The following ARHGAP20 variants were observed in gnomAD, a reference collection of about 807,000 sequenced individuals.
The protein encoded by ARHGAP20 is Rho GTPase activating protein 20.
In ARHGAP20, 34 loss-of-function variants were observed where a neutral mutation model predicts 73.7. The observed-to-expected ratio is 0.46, with a 90% CI of 0.35 to 0.61. The LOEUF (loss-of-function observed/expected upper bound fraction) is 0.61, where lower values mean the gene tolerates loss of function less well. Among genes scored for constraint, ARHGAP20 ranks in the 20% least tolerant of loss-of-function variants. The pLI is 0.00. For synonymous variants in ARHGAP20, 523 were observed against 518.2 expected, an observed-to-expected ratio of 1.01 and a Z score of -0.13; for missense variants, 1,314 against 1,420.9, an observed-to-expected ratio of 0.92 and a Z score of 1.21.
intron 3 of ARHGAP20, 147 bp from the exon 4 acceptor site, chr11:110,624,458 G>T: frequency 6.1e-6 from 3 of 494,904 alleles, no homozygotes; most frequent in African/African-American, 2.1e-5. Context: ...AGTGAGAGCT[G>T]AACATTGAGA....
chr11:110,617,742 A>C (rs1948515238), intron 4 of ARHGAP20, among the ~76,000 whole-genome samples: 1 of 152,132 alleles, frequency 6.6e-6, no homozygotes, highest in Admixed American at 6.5e-5. Context: ...AGTAATTCTT[A>C]ATCTCAGGCA....
chr11:110,594,501 C>A (rs1166120271), intron 9 of ARHGAP20, among the ~76,000 whole-genome samples: 1 of 152,162 alleles, frequency 6.6e-6, no homozygotes, highest in Non-Finnish European at 1.5e-5. Flanking sequence ...AGAGGACAAC[C>A]TCTCTGCACC....
At chr11:110,584,765 T>C (rs1252065178) in intron 12 of ARHGAP20, among the ~76,000 whole-genome samples, 1 of 151,974 alleles carries the variant, frequency 6.6e-6, no homozygotes, top group Non-Finnish European at 1.5e-5. Context: ...AGAGAACTGA[T>C]TGATCTGCAT....
intron 11 of ARHGAP20, 84 bp from the exon 12 acceptor site, chr11:110,586,409 A>T (rs1332889079): frequency 1.3e-5 from 11 of 817,590 alleles, no homozygotes; most frequent in African/African-American, 1.8e-5. Context: ...CATTTTGTTG[A>T]AAAGTTCCCT....
At chr11:110,659,676 T>G (rs1949554251) in intron 2 of ARHGAP20, among the ~76,000 whole-genome samples, 1 of 152,126 alleles carries the variant, frequency 6.6e-6, no homozygotes, top group South Asian at 2.1e-4. Context: ...AATGATAGAC[T>G]GGATTAAGAA....
intron 2 of ARHGAP20, among the ~76,000 whole-genome samples, chr11:110,638,090 C>G (rs1440387917): frequency 6.6e-6 from 1 of 152,008 alleles, no homozygotes; most frequent in Non-Finnish European, 1.5e-5. Flanking sequence ...CATCCCTAAT[C>G]TGAAAATCCA....
intron 5 of ARHGAP20, among the ~76,000 whole-genome samples, chr11:110,615,074 G>A (rs926524011): frequency 3.9e-5 from 6 of 152,130 alleles, no homozygotes; most frequent in African/African-American, 1.4e-4. Context: ...ATAGCGTGGA[G>A]AGGGAGAGAG....
chr11:110,712,329 C>A lies in ARHGAP20; in HGVS notation c.-98G>T, dbSNP rs1950684850. 1.4e-5 allele frequency: 15 copies of A among 1,049,206 alleles called. No individual in the cohort carries two copies. The highest frequency in any genetic ancestry group is 1.9e-5 in the Non-Finnish European group (15 of 809,158). 65.0% of individuals were successfully genotyped at this position (1,049,206 alleles called of 1,614,324 possible). ...GGGCGAGGACGCGCGGGCGGAGGCG[C>A]GGCTGCCGTGCTCAGGCAGGGAGCC... On this transcript the variant is annotated 5_prime_UTR_variant, in exon 1 of 15. Transcript: ENST00000683387.
chr11:110,607,782 G>A (rs1948267965), intron 8 of ARHGAP20, among the ~76,000 whole-genome samples: 1 of 152,174 alleles, frequency 6.6e-6, no homozygotes, highest in Admixed American at 6.5e-5. Flanking sequence ...TAATGATTAA[G>A]CATTGCTGCT....
chr11:110,655,103 T>G (rs7925297), intron 2 of ARHGAP20, among the ~76,000 whole-genome samples: 3,874 of 152,242 alleles, frequency 0.025, 146 homozygotes, highest in African/African-American at 0.081. Context: ...GGAAGCTAAG[T>G]AGTCAGCTTT....
At position 110,580,119 on chromosome 11, in the gene ARHGAP20, T is replaced by G. The variant is rs1305705868; in HGVS notation, c.2827A>C (p.Thr943Pro). Residue 943 changes from threonine (T) to proline (P), a missense_variant, in exon 15 of 15, where the codon ACT becomes CCT. Physicochemically the swap from Thr to Pro is conservative, Grantham distance 38 (BLOSUM62 -1). Transcript: ENST00000683387. The stretch of plus-strand genomic sequence containing the variant: ...CTTACTGATGAGCCGGATGGGGAAG[T>G]GCCTGGGGAGGATAAGCTGGAATAG... ...TSYSSLSSPG[T>P]SPSGSSVSSQ... The G allele has an allele frequency of 6.2e-7, 1 of 1,614,046 alleles. No homozygotes were observed. Among genetic ancestry groups the G allele is most frequent in the Non-Finnish European group, 8.5e-7 (1 of 1,180,032 alleles).
At chr11:110,637,845 C>T (rs1001053221) in intron 2 of ARHGAP20, among the ~76,000 whole-genome samples, 2 of 151,986 alleles carry the variant, frequency 1.3e-5, no homozygotes, top group Non-Finnish European at 2.9e-5. Context: ...AACAGAGAGA[C>T]CAATGAAGGC....
intron 12 of ARHGAP20, among the ~76,000 whole-genome samples, chr11:110,585,073 A>ATGAATACATGAATATATG (rs996431055): frequency 6.7e-6 from 1 of 150,356 alleles, no homozygotes; most frequent in Non-Finnish European, 1.5e-5. Flanking sequence ...GTGAACATAT[A>ATGAATACATGAATATATG]TGAATACATG....
chr11:110,708,843 A>C (rs1950596140), intron 1 of ARHGAP20, among the ~76,000 whole-genome samples: 1 of 152,140 alleles, frequency 6.6e-6, no homozygotes, highest in Non-Finnish European at 1.5e-5. Flanking sequence ...AAAACTATTA[A>C]ATTTATATAC....
Position 110,627,673 on chromosome 11 carries a change from T to C in ARHGAP20, c.353+2955A>G, listed in dbSNP as rs374651172. Among the ~76,000 whole-genome samples, 109 of 152,334 alleles carry C rather than the reference T, an allele frequency of 7.2e-4. 2 individuals are homozygous for C. The South Asian group carries it at 0.021, about 30-fold the overall frequency. On this transcript the variant is annotated intron_variant, in intron 3 of 14. Transcript: ENST00000683387. The stretch of plus-strand genomic sequence containing the variant: ...CTAAACAGAACTCATTACTATTTAC[T>C]ATTTGCTTATTCTCATAAAATATGA...
At position 110,580,142 on chromosome 11, in the gene ARHGAP20, T is replaced by C. The variant is rs1947408539; in HGVS notation, c.2804A>G (p.Tyr935Cys). The change falls in exon 15 of 15, where the codon TAT (tyrosine) becomes TGT (cysteine). Residue 935 changes from tyrosine (Y) to cysteine (C), a missense_variant. Tyr to Cys is a radical substitution (Grantham distance 194). Coordinates refer to ENST00000683387, the MANE Select transcript of ARHGAP20 (RefSeq NM_001384657.1). ...PRLNLCPRTS[Y>C]SSLSSPGTSP... ...AGTGCCTGGGGAGGATAAGCTGGAA[T>C]AGCTGGTCCTTGGGCAAAGGTTTAA... 1.9e-6 allele frequency: 3 copies of C among 1,614,170 alleles called. No homozygotes were observed. Among genetic ancestry groups the C allele is most frequent in the Non-Finnish European group, 2.5e-6 (3 of 1,180,022 alleles).
chr11:110,685,960 C>G (rs1336610506), intron 2 of ARHGAP20, among the ~76,000 whole-genome samples: 1 of 152,046 alleles, frequency 6.6e-6, no homozygotes, highest in Non-Finnish European at 1.5e-5. Flanking sequence ...TATAAAGTAC[C>G]ACTTGAACTA....
rs373594727 is a variant in ARHGAP20 at position 110,580,118 on chromosome 11, G to A, written c.2828C>T (p.Thr943Ile). The change falls in exon 15 of 15, where the codon ACT (threonine) becomes ATT (isoleucine). Residue 943 changes from threonine to isoleucine, a missense_variant. This residue lies in a region of ARHGAP20 where 641 missense variants were observed against 636.9 expected (regional missense o/e 1.01). Transcript: ENST00000683387. ...GCTTACTGATGAGCCGGATGGGGAAGTGCCTGGGGAGGATAAGCTGGAATA... is the reference window on the plus strand; with the variant it reads ...GCTTACTGATGAGCCGGATGGGGAAATGCCTGGGGAGGATAAGCTGGAATA... The part of the protein sequence containing the change: ...TSYSSLSSPG[T>I]SPSGSSVSSQ... The A allele has an allele frequency of 5.0e-6, 8 of 1,614,116 alleles. No individual in the cohort carries two copies. Among genetic ancestry groups the A allele is most frequent in the Non-Finnish European group, 5.9e-6 (7 of 1,180,044 alleles).
chr11:110,630,692 C>T lies in ARHGAP20; in HGVS notation c.289G>A (p.Gly97Ser). ...LIDGRAELKRGLQRQERHLFL... is the reference protein window; with the variant it reads ...LIDGRAELKRSLQRQERHLFL... The stretch of plus-strand genomic sequence containing the variant: ...AGATGCCGCTCCTGCCTCTGGAGGC[C>T]TCTTTTGAGTTCTGCCCGGCCATCA... The change falls in exon 3 of 15, where the codon GGC becomes AGC. Residue 97 changes from glycine to serine, a missense_variant. Gly to Ser is a moderately conservative substitution (Grantham distance 56). Coordinates refer to ENST00000683387, the MANE Select transcript of ARHGAP20 (RefSeq NM_001384657.1). The T allele has an allele frequency of 6.2e-7, 1 of 1,614,076 alleles. No individual in the cohort carries two copies. The highest frequency in any genetic ancestry group is 2.2e-5 in the East Asian group (1 of 44,882).
Sources: allele counts gnomAD v4.1 joint callset (sites outside exome capture counted in the v4.1 genomes callset), GRCh38; gene constraint gnomAD v4.1.1; regional missense constraint gnomAD v4.1.1; transcripts MANE v1.5; gene names NCBI Gene and HGNC (gene_info 2026-07-23, HGNC 2026-07-21).